The following LARP1B variants were observed in gnomAD, a reference collection of about 807,000 sequenced individuals.
The protein encoded by LARP1B is la-related protein 1B.
In LARP1B, 76 loss-of-function variants were observed where a neutral mutation model predicts 114.2. The observed-to-expected ratio is 0.67, with a 90% CI of 0.55 to 0.81. LARP1B has a LOEUF of 0.81. Ranked by LOEUF, LARP1B falls within the 30% of genes least tolerant of loss-of-function variation. The pLI, the probability that LARP1B is intolerant of heterozygous loss-of-function variation, is 0.00. For synonymous variants in LARP1B, 345 were observed against 348.0 expected (o/e 0.99, Z 0.10); for missense variants, 1,014 against 1,075.8 (o/e 0.94, Z 0.80).
intron 4 of LARP1B, among the ~76,000 whole-genome samples, chr4:128,079,086 G>T (rs1005683414): frequency 5.2e-5 from 6 of 115,804 alleles, no homozygotes; most frequent in Non-Finnish European, 5.9e-5. Context: ...TACTTGAATA[G>T]TTTGTCTTTT....
At chr4:128,162,391 CT>C (rs965443715) in intron 12 of LARP1B, 74 bp downstream of exon 12, 25 of 1,272,700 alleles carry the variant, frequency 2.0e-5, no homozygotes, top group South Asian at 1.2e-4. Flanking sequence ...AAAATTGCTC[CT>C]TTTTTTTCTT....
chr4:128,088,210 A>G (rs1234036327), intron 5 of LARP1B, among the ~76,000 whole-genome samples: 1 of 151,550 alleles, frequency 6.6e-6, no homozygotes, highest in Non-Finnish European at 1.5e-5. Context: ...AATAATGATG[A>G]TGATGATGAT....
chr4:128,162,518 T>G (rs1399165901), intron 12 of LARP1B, among the ~76,000 whole-genome samples: 1 of 152,160 alleles, frequency 6.6e-6, no homozygotes, highest in Non-Finnish European at 1.5e-5. Context: ...AGAGGCTTAC[T>G]TAGAAGTAGG....
chr4:128,077,147 TC>T (rs1005368521), intron 3 of LARP1B, among the ~76,000 whole-genome samples: 64 of 152,224 alleles, frequency 4.2e-4, no homozygotes, highest in African/African-American at 1.5e-3. Context: ...AATAATCTTT[TC>T]ATAGATTTGC....
At chr4:128,094,469 C>T (rs1298663443) in intron 7 of LARP1B, among the ~76,000 whole-genome samples, 4 of 146,336 alleles carry the variant, frequency 2.7e-5, no homozygotes, top group African/African-American at 5.1e-5. Context: ...GGCGCAATCT[C>T]GGCTCACCTC....
intron 1 of LARP1B, among the ~76,000 whole-genome samples, chr4:128,067,868 C>T (rs1763621758): frequency 6.6e-6 from 1 of 151,322 alleles, no homozygotes. Flanking sequence ...CGCCACCATG[C>T]CTGCATAATT....
At chr4:128,181,504 TTC>T (rs1581366408) in intron 15 of LARP1B, among the ~76,000 whole-genome samples, 1 of 152,134 alleles carries the variant, frequency 6.6e-6, no homozygotes, top group East Asian at 1.9e-4. Flanking sequence ...TCATTCTTTT[TTC>T]TCTTTTTCTG....
At chr4:128,155,411 C>T (rs1484247885) in intron 11 of LARP1B, 17 of 638,544 alleles carry the variant, frequency 2.7e-5, no homozygotes, top group Non-Finnish European at 4.8e-5. Context: ...TTCAGGGAAC[C>T]CGGCCCGAGC....
chr4:128,181,180 C>CTTT (rs70966086), intron 15 of LARP1B, among the ~76,000 whole-genome samples: 20 of 130,002 alleles, frequency 1.5e-4, no homozygotes, highest in Non-Finnish European at 1.7e-4. Flanking sequence ...CTCATCCATT[C>CTTT]TTTTTTTTTT....
intron 1 of LARP1B, among the ~76,000 whole-genome samples, chr4:128,063,205 T>A (rs1760979914): frequency 6.6e-6 from 1 of 150,656 alleles, no homozygotes; most frequent in East Asian, 2.0e-4. Context: ...GGCGGGCGGA[T>A]CACCTGAGGT....
intron 11 of LARP1B, among the ~76,000 whole-genome samples, chr4:128,135,164 A>C (rs1027595449): frequency 1.3e-5 from 2 of 151,952 alleles, no homozygotes; most frequent in African/African-American, 2.4e-5. Flanking sequence ...CAAACATTTG[A>C]AAAGATGCTC....
Position 128,210,214 on chromosome 4 carries a change from A to G in LARP1B, c.*161A>G. On this transcript the variant is annotated 3_prime_UTR_variant, in exon 20 of 20. Coordinates refer to ENST00000326639, the MANE Select transcript of LARP1B (RefSeq NM_018078.4). ...TGATAATAAGAAAGAAGAAAAAGAA[A>G]GAAAAGTGGTAGCATTTTTTCTAAC... The G allele has an allele frequency of 7.0e-7, 1 of 1,430,902 alleles. No homozygotes were observed. The highest frequency in any genetic ancestry group is 9.1e-7 in the Non-Finnish European group (1 of 1,096,498). 88.6% of individuals were successfully genotyped at this position (1,430,902 alleles called of 1,614,324 possible).
At chr4:128,206,631 A>C (rs1476525572) in intron 18 of LARP1B, 94 bp downstream of exon 18, 14 of 1,478,290 alleles carry the variant, frequency 9.5e-6, no homozygotes, top group Non-Finnish European at 1.3e-5. Context: ...TTTTTTCTTC[A>C]GGGCAAACCA....
In LARP1B at chr4:128,082,235, C is replaced by T. The variant is rs1561103918; in HGVS notation, c.288C>T (p.Ser96=). Residue 96 remains serine, a synonymous_variant, in exon 5 of 20, where the codon TCC becomes TCT. Coordinates refer to ENST00000326639, the MANE Select transcript of LARP1B (RefSeq NM_018078.4). ...VRSESQERPG[S]RNSSRCQPEA... ...CAGAGAGTCAAGAAAGACCTGGATC[C>T]CGGAACAGCTCAAGATGTCAACCTG... is the stretch of plus-strand genomic sequence containing the variant. The T allele has an allele frequency of 8.1e-6, 13 of 1,613,094 alleles. No homozygotes were observed. Among genetic ancestry groups the T allele is most frequent in the Non-Finnish European group, 1.0e-5 (12 of 1,179,670 alleles).
At chr4:128,222,472 T>C (rs78821183) in exon 8 of LARP1B, 9,917 of 413,380 alleles carry the variant, frequency 0.024, 256 homozygotes, top group East Asian at 0.1. Flanking sequence ...CCACCCCACA[T>C]CAATGCCACT....
In LARP1B at chr4:128,199,513, A is replaced by G. The variant is rs748916424; in HGVS notation, c.2078A>G (p.Lys693Arg). The change falls in exon 16 of 20, where the codon AAG (lysine) becomes AGG (arginine). Residue 693 changes from lysine to arginine, a missense_variant. Transcript: ENST00000326639. ...SYGCTPHSFP[K>R]FQHPSHELLK... ...GGATGTACTCCTCATTCATTCCCAA[A>G]GTTCCAGCATCCTTCTCATGAACTT... 8.7e-6 allele frequency: 14 copies of G among 1,605,284 alleles called. No homozygotes were observed. The highest frequency in any genetic ancestry group is 1.1e-5 in the Non-Finnish European group (13 of 1,175,232).
intron 11 of LARP1B, among the ~76,000 whole-genome samples, chr4:128,131,011 T>C (rs529017381): frequency 1.7e-3 from 257 of 152,312 alleles, no homozygotes; most frequent in Non-Finnish European, 2.9e-3. Context: ...AGATCAGTGA[T>C]TGCCAATGGT....
chr4:128,082,029 T>C (rs1000022508), intron 4 of LARP1B, 136 bp from the exon 5 acceptor site: 3 of 847,886 alleles, frequency 3.5e-6, no homozygotes, highest in Admixed American at 2.6e-5. Context: ...AGCCACCGTG[T>C]CTGGCCTCTT....
At chr4:128,134,579 G>T (rs186315500) in intron 11 of LARP1B, among the ~76,000 whole-genome samples, 9 of 152,222 alleles carry the variant, frequency 5.9e-5, no homozygotes, top group Admixed American at 3.9e-4. Flanking sequence ...ACATGTTACA[G>T]AACAAATGTA....
Sources: gnomAD v4.1 joint callset for allele counts (sites outside exome capture counted in the v4.1 genomes callset) on GRCh38, gnomAD v4.1.1 for gene constraint, MANE v1.5 for transcripts, NCBI Gene and HGNC (gene_info 2026-07-23, HGNC 2026-07-21) for gene names.